The following STARD3NL variants were observed in gnomAD, a reference collection of about 807,000 sequenced individuals.
STARD3NL encodes STARD3 N-terminal like.
Under a neutral mutation model 30.9 loss-of-function variants are expected in STARD3NL, and 17 were observed. That is an observed-to-expected ratio of 0.55 (90% CI 0.38 to 0.82). The LOEUF (loss-of-function observed/expected upper bound fraction) is 0.82, where lower values mean the gene tolerates loss of function less well. Among genes scored for constraint, STARD3NL ranks in the 40% least tolerant of loss-of-function variants. STARD3NL has a pLI of 0.00. For missense variants in STARD3NL, 234 were observed against 277.6 expected, an observed-to-expected ratio of 0.84 and a Z score of 1.12; for synonymous variants, 112 against 100.5, an observed-to-expected ratio of 1.11 and a Z score of -0.69.
chr7:38,178,607 G>A (rs962789047), intron 1 of STARD3NL, among the ~76,000 whole-genome samples, 187 bp downstream of exon 1: 4 of 152,334 alleles, frequency 2.6e-5, no homozygotes, highest in South Asian at 4.1e-4. Flanking sequence ...GCTCATAATG[G>A]ACACAAGAGT....
At chr7:38,225,719 T>C (rs1314858009) in intron 7 of STARD3NL, among the ~76,000 whole-genome samples, 1 of 152,142 alleles carries the variant, frequency 6.6e-6, no homozygotes, top group Non-Finnish European at 1.5e-5. Flanking sequence ...ATTGATTTGA[T>C]ACTTTTTTTT....
chr7:38,200,225 T>A (rs1211268725), intron 1 of STARD3NL, among the ~76,000 whole-genome samples: 1 of 152,070 alleles, frequency 6.6e-6, no homozygotes, highest in African/African-American at 2.4e-5. Context: ...CTCCCCACTG[T>A]TCCCCTCAAA....
At chr7:38,215,207 T>A (rs59828428) in intron 4 of STARD3NL, 102 bp downstream of exon 4, 1 of 1,095,784 alleles carries the variant, frequency 9.1e-7, no homozygotes, top group Non-Finnish European at 1.4e-6. Flanking sequence ...CTAATGCAGG[T>A]GGAATCCCAC....
rs1785561680 is a variant in STARD3NL, at chr7:38,207,604, A to G, written c.100A>G (p.Met34Val). The G allele has an allele frequency of 6.2e-7, 1 of 1,613,494 alleles. No individual in the cohort carries two copies. The highest frequency in any genetic ancestry group is 1.3e-5 in the African/African-American group (1 of 74,900). ...CCATTCCATCAACCCCACACAACTC[A>G]TGGCCAGGATTGAGTCCTATGAAGG... The part of the protein sequence containing the change: ...NIHSINPTQL[M>V]ARIESYEGRE... The change falls in exon 2 of 9, where the codon ATG becomes GTG. Residue 34 changes from methionine to valine, a missense_variant. By Grantham distance (21) the Met-to-Val change is conservative. Coordinates refer to ENST00000009041, the MANE Select transcript of STARD3NL (RefSeq NM_032016.4).
chr7:38,229,707 C>T (rs1452852837), intron 8 of STARD3NL, among the ~76,000 whole-genome samples: 1 of 152,162 alleles, frequency 6.6e-6, no homozygotes. Context: ...CCACCACAGT[C>T]ATGTAGACGC....
At chr7:38,209,780 G>T (rs557730069) in intron 2 of STARD3NL, among the ~76,000 whole-genome samples, 4 of 152,122 alleles carry the variant, frequency 2.6e-5, no homozygotes, top group Non-Finnish European at 5.9e-5. Context: ...TCTCCTTTCT[G>T]TTTTGTCCAG....
At position 38,207,737 on chromosome 7, in the gene STARD3NL, G is replaced by A; in HGVS notation, c.225+8G>A. 1 of 1,611,562 alleles carries A rather than the reference G, an allele frequency of 6.2e-7. No homozygotes were observed. The highest frequency in any genetic ancestry group is 8.5e-7 in the Non-Finnish European group (1 of 1,178,192). On this transcript the variant is annotated splice_region_variant and intron_variant, in intron 2 of 8. Transcript: ENST00000009041. ...TGGATAATAGAGTTAAATGTAAGTT[G>A]GTGGTTCTTTCATAACTTTTTAAGA...
chr7:38,219,458 A>G (rs1429109485), intron 6 of STARD3NL, 107 bp from the exon 7 acceptor site: 2 of 698,008 alleles, frequency 2.9e-6, no homozygotes, highest in Non-Finnish European at 4.9e-6. Context: ...CTCTTTTTCT[A>G]AAGGTATTTC....
At chr7:38,208,172 T>C (rs988101468) in intron 2 of STARD3NL, among the ~76,000 whole-genome samples, 1 of 152,232 alleles carries the variant, frequency 6.6e-6, no homozygotes, top group Non-Finnish European at 1.5e-5. Flanking sequence ...CTCTAGTCTT[T>C]TTCAGAAAAA....
intron 2 of STARD3NL, among the ~76,000 whole-genome samples, chr7:38,210,130 T>A (rs1468318731): frequency 6.6e-6 from 1 of 152,202 alleles, no homozygotes; most frequent in Non-Finnish European, 1.5e-5. Flanking sequence ...TCTGTAACTC[T>A]CTAATCATTC....
intron 1 of STARD3NL, among the ~76,000 whole-genome samples, chr7:38,194,656 A>G (rs976018699): frequency 6.6e-6 from 1 of 151,818 alleles, no homozygotes; most frequent in African/African-American, 2.4e-5. Flanking sequence ...TTTTATCTCA[A>G]TGTTATTTTA....
chr7:38,192,173 GCTTTCT>G (rs1263679717), intron 1 of STARD3NL, among the ~76,000 whole-genome samples: 2 of 151,120 alleles, frequency 1.3e-5, no homozygotes, highest in African/African-American at 4.9e-5. Context: ...TTCTTTTTTT[GCTTTCT>G]CTTTCTCTTT....
intron 6 of STARD3NL, 80 bp from the exon 7 acceptor site, chr7:38,219,485 C>A: frequency 1.1e-6 from 1 of 909,722 alleles, no homozygotes. Context: ...ATAATAATAC[C>A]ATTTTATTTT....
At chr7:38,203,138 C>T (rs1343103102) in intron 1 of STARD3NL, among the ~76,000 whole-genome samples, 2 of 152,118 alleles carry the variant, frequency 1.3e-5, no homozygotes, top group Non-Finnish European at 2.9e-5. Context: ...GAGAATGCCA[C>T]AAAGATACTC....
rs553284099 is a variant in STARD3NL at position 38,218,417 on chromosome 7, C to T, written c.553+1112C>T. 1.1e-4 allele frequency among the ~76,000 whole-genome samples: 17 copies of T among 152,072 alleles called. No individual in the cohort carries two copies. In the East Asian group the frequency reaches 2.7e-3, roughly 24 times the overall value. On this transcript the variant is annotated intron_variant, in intron 6 of 8. Coordinates refer to ENST00000009041, the MANE Select transcript of STARD3NL (RefSeq NM_032016.4). ...CTGAGTTGTACCTTCTATCCTGTGC[C>T]GTCTATTCCTTTGTGAAAGTGTATC... is the stretch of plus-strand genomic sequence containing the variant.
chr7:38,210,115 G>A (rs1427285388), intron 2 of STARD3NL, among the ~76,000 whole-genome samples: 1 of 152,026 alleles, frequency 6.6e-6, no homozygotes, highest in African/African-American at 2.4e-5. Flanking sequence ...TTGCTTTGTT[G>A]TCTCTCTGTA....
chr7:38,191,427 G>A (rs925428140), intron 1 of STARD3NL, among the ~76,000 whole-genome samples: 3 of 151,916 alleles, frequency 2.0e-5, no homozygotes, highest in African/African-American at 7.3e-5. Flanking sequence ...TTTTTTAATG[G>A]TTATAACTTT....
chr7:38,181,613 T>G (rs1784249230), intron 1 of STARD3NL, among the ~76,000 whole-genome samples: 1 of 152,248 alleles, frequency 6.6e-6, no homozygotes. Flanking sequence ...TCTTTTTCTT[T>G]AGAATAATTT....
intron 1 of STARD3NL, among the ~76,000 whole-genome samples, chr7:38,192,813 TA>T (rs1296027616): frequency 6.6e-6 from 1 of 152,206 alleles, no homozygotes; most frequent in East Asian, 1.9e-4. Flanking sequence ...CACTGATAAA[TA>T]TAAGTCTGCC....
Sources: gnomAD v4.1 joint callset for allele counts (sites outside exome capture counted in the v4.1 genomes callset) on GRCh38, gnomAD v4.1.1 for gene constraint, MANE v1.5 for transcripts, NCBI Gene and HGNC (gene_info 2026-07-23, HGNC 2026-07-21) for gene names.